The following ANGPT1 variants were observed in gnomAD, a reference collection of about 807,000 sequenced individuals.
ANGPT1 encodes the protein angiopoietin-1.
In ANGPT1, 17 loss-of-function variants were observed where a neutral mutation model predicts 62.2. The ratio of observed to expected loss-of-function variants is 0.27; its 90% confidence interval spans 0.19 to 0.41. ANGPT1 has a LOEUF of 0.41. Ranked by LOEUF, ANGPT1 falls within the 10% of genes least tolerant of loss-of-function variation. The probability of loss-of-function intolerance (pLI) is 1.00; values close to 1 mark genes in which losing one functional copy is unlikely to be tolerated. For synonymous variants in ANGPT1, 199 were observed against 198.9 expected (o/e 1.00, Z 0.00); for missense variants, 478 against 594.9 (o/e 0.80, Z 2.04).
chr8:107,315,579 T>A (rs541146284), intron 4 of ANGPT1, among the ~76,000 whole-genome samples: 57 of 152,224 alleles, frequency 3.7e-4, no homozygotes, highest in East Asian at 1.2e-3. Flanking sequence ...CCTTTTTTTT[T>A]AAACCTTCCC....
At chr8:107,362,518 C>A (rs998369413) in intron 1 of ANGPT1, among the ~76,000 whole-genome samples, 2 of 152,098 alleles carry the variant, frequency 1.3e-5, no homozygotes, top group South Asian at 2.1e-4. Flanking sequence ...CATTCCCACC[C>A]AGGGCTGGCT....
At chr8:107,286,303 A>C (rs1173594132) in intron 6 of ANGPT1, among the ~76,000 whole-genome samples, 1 of 152,286 alleles carries the variant, frequency 6.6e-6, no homozygotes, top group Non-Finnish European at 1.5e-5. Flanking sequence ...AATTTTTTAT[A>C]AATATCCGGA....
chr8:107,321,015 T>C (rs1299531376), intron 4 of ANGPT1, among the ~76,000 whole-genome samples: 4 of 152,044 alleles, frequency 2.6e-5, no homozygotes, highest in Non-Finnish European at 5.9e-5. Flanking sequence ...CTCATCACCA[T>C]TTACAATTCC....
intron 1 of ANGPT1, among the ~76,000 whole-genome samples, chr8:107,461,200 C>T (rs190627214): frequency 1.8e-3 from 280 of 152,146 alleles, no homozygotes; most frequent in African/African-American, 6.4e-3. Flanking sequence ...CCTACAGACC[C>T]TTGGGATTTC....
intron 1 of ANGPT1, among the ~76,000 whole-genome samples, chr8:107,493,234 G>GAA (rs1813011124): frequency 6.6e-6 from 1 of 150,380 alleles, no homozygotes. Context: ...GTCTAGGTGG[G>GAA]AAAACAAGCC....
chr8:107,261,898 G>T, intron 8 of ANGPT1, among the ~76,000 whole-genome samples: 1 of 151,208 alleles, frequency 6.6e-6, no homozygotes, highest in East Asian at 2.0e-4. Flanking sequence ...GAAGACAAAA[G>T]ATTTATCCCA....
At chr8:107,324,375 G>A (rs931095701) in intron 3 of ANGPT1, among the ~76,000 whole-genome samples, 2 of 151,908 alleles carry the variant, frequency 1.3e-5, no homozygotes, top group African/African-American at 4.8e-5. Flanking sequence ...TATAAAAAGG[G>A]AAAATGTTGA....
chr8:107,461,562 G>A (rs913109193), intron 1 of ANGPT1, among the ~76,000 whole-genome samples: 4 of 136,446 alleles, frequency 2.9e-5, no homozygotes, highest in African/African-American at 5.5e-5. Flanking sequence ...AACCACTGGT[G>A]TCCTAGAATG....
At chr8:107,496,195 C>G (rs534611501) in intron 1 of ANGPT1, among the ~76,000 whole-genome samples, 1 of 152,328 alleles carries the variant, frequency 6.6e-6, no homozygotes, top group South Asian at 2.1e-4. Flanking sequence ...AATCCATTAA[C>G]AAGGGAGAGA....
intron 8 of ANGPT1, among the ~76,000 whole-genome samples, chr8:107,257,887 G>GT (rs774474320): frequency 6.3e-5 from 7 of 110,944 alleles, no homozygotes; most frequent in African/African-American, 9.9e-5. Context: ...TTTCTTTTTT[G>GT]TTTGTTTGTT....
At chr8:107,444,521 G>A (rs1235709565) in intron 1 of ANGPT1, among the ~76,000 whole-genome samples, 1 of 152,140 alleles carries the variant, frequency 6.6e-6, no homozygotes, top group Non-Finnish European at 1.5e-5. Flanking sequence ...AAACCACTCT[G>A]TAAATGCAAA....
At chr8:107,336,056 A>T (rs1469569639) in intron 3 of ANGPT1, 94 bp downstream of exon 3, 26 of 1,242,498 alleles carry the variant, frequency 2.1e-5, no homozygotes, top group Non-Finnish European at 9.4e-6. Flanking sequence ...ATTTTTGTAA[A>T]CCACCTCAAC....
chr8:107,334,648 G>A (rs1815518478), intron 3 of ANGPT1, among the ~76,000 whole-genome samples: 1 of 152,080 alleles, frequency 6.6e-6, no homozygotes, highest in African/African-American at 2.4e-5. Context: ...TGATTCCTGG[G>A]CAAAGCCTTC....
rs34069984 is a variant in ANGPT1 at position 107,309,291 on chromosome 8, AG to A, written c.809-5925del. Reference sequence around the variant, plus strand: ...GGATAGTCCTTGAGACATCATTATTAGGAAGATCATAGCACTAGAAATTGAC... The same window carrying A: ...GGATAGTCCTTGAGACATCATTATTAGAAGATCATAGCACTAGAAATTGAC... On this transcript the variant is annotated intron_variant, in intron 4 of 8. Coordinates refer to ENST00000517746, the MANE Select transcript of ANGPT1 (RefSeq NM_001146.5). Among the ~76,000 whole-genome samples the A allele has an allele frequency of 3.5e-3, 538 of 152,340 alleles. 6 individuals carry two copies. Among genetic ancestry groups the A allele is most frequent in the African/African-American group, 0.012 (509 of 41,584 alleles).
At chr8:107,286,421 G>T (rs1814142656) in intron 6 of ANGPT1, among the ~76,000 whole-genome samples, 1 of 151,968 alleles carries the variant, frequency 6.6e-6, no homozygotes, top group Non-Finnish European at 1.5e-5. Context: ...TTAACATATT[G>T]CCTTGCATGT....
chr8:107,317,030 G>A (rs542817319), intron 4 of ANGPT1, among the ~76,000 whole-genome samples: 1 of 152,308 alleles, frequency 6.6e-6, no homozygotes, highest in South Asian at 2.1e-4. Context: ...TAAGGATTCA[G>A]TAAAATCCCC....
intron 1 of ANGPT1, among the ~76,000 whole-genome samples, chr8:107,349,052 G>A (rs926783283): frequency 9.2e-5 from 14 of 152,072 alleles, no homozygotes; most frequent in African/African-American, 3.1e-4. Context: ...GTTGATGCCC[G>A]ATTTTGCCAC....
chr8:107,470,951 G>A (rs956529047), intron 1 of ANGPT1, among the ~76,000 whole-genome samples: 4 of 152,040 alleles, frequency 2.6e-5, no homozygotes, highest in African/African-American at 9.7e-5. Context: ...GTTGGTGGGA[G>A]TGTAAATTAG....
chr8:107,420,598 G>C (rs144666419), intron 1 of ANGPT1, among the ~76,000 whole-genome samples: 1 of 152,092 alleles, frequency 6.6e-6, no homozygotes, highest in Non-Finnish European at 1.5e-5. Context: ...ACAGCCTCAG[G>C]TCTCATATCC....
Sources: gnomAD v4.1 joint callset for allele counts (sites outside exome capture counted in the v4.1 genomes callset) on GRCh38, gnomAD v4.1.1 for gene constraint, MANE v1.5 for transcripts, NCBI Gene and HGNC (gene_info 2026-07-23, HGNC 2026-07-21) for gene names.